The following NUCB2 variants were observed in gnomAD, a reference collection of about 807,000 sequenced individuals.
NUCB2 encodes the protein nucleobindin-2.
Under a neutral mutation model 57.9 loss-of-function variants are expected in NUCB2, and 48 were observed. That is an observed-to-expected ratio of 0.83 (90% CI 0.66 to 1.05). The LOEUF is 1.05. Among genes scored for constraint, NUCB2 ranks in the 50% least tolerant of loss-of-function variants. The probability of loss-of-function intolerance (pLI) is 0.00; values close to 1 mark genes in which losing one functional copy is unlikely to be tolerated. For synonymous variants in NUCB2, 139 were observed against 152.1 expected, an observed-to-expected ratio of 0.91 and a Z score of 0.64; for missense variants, 442 against 476.2, an observed-to-expected ratio of 0.93 and a Z score of 0.67.
chr11:17,342,796 TG>T (rs1161004896), intron 2 of NUCB2, among the ~76,000 whole-genome samples: 1 of 151,606 alleles, frequency 6.6e-6, no homozygotes, highest in Non-Finnish European at 1.5e-5. Context: ...TCTGTTGATT[TG>T]GGGTGGAGAG....
chr11:17,311,005 C>T lies in NUCB2; in HGVS notation c.664C>T (p.His222Tyr). Residue 222 changes from histidine (H) to tyrosine (Y), a missense_variant, in exon 7 of 14, where the codon CAC becomes TAC. Transcript: ENST00000529010. ...KKHENHPKVN[H>Y]PGSKDQLKEV... ...GCATGAAAATCACCCTAAAGTTAAT[C>T]ACCCAGTAAGGATTGTGACTTTATG... The T allele has an allele frequency of 6.4e-7, 1 of 1,573,252 alleles. No homozygotes were observed. The highest frequency in any genetic ancestry group is 8.6e-7 in the Non-Finnish European group (1 of 1,168,722).
intron 11 of NUCB2, among the ~76,000 whole-genome samples, chr11:17,322,762 ATC>A (rs35491461): frequency 0.24 from 36,009 of 151,764 alleles, 4,933 homozygotes; most frequent in East Asian, 0.51. Context: ...AATTTCTTTC[ATC>A]TGTGTTTTAT....
At position 17,330,157 on chromosome 11, in the gene NUCB2, G is replaced by T. The variant is rs762418466; in HGVS notation, c.1033G>T (p.Glu345Ter). ...AGATCAGCAACAGTTCTTCACAGAGGAAGAACTAAAAGAATATGAAAATAT... is the reference window on the plus strand; with the variant it reads ...AGATCAGCAACAGTTCTTCACAGAGTAAGAACTAAAAGAATATGAAAATAT... ...TLDQQQFFTEEELKEYENIIA... is the reference protein window; with the variant it reads ...TLDQQQFFTE Residue 345 changes from glutamate (E) to a stop codon, truncating the protein, a stop_gained, in exon 12 of 14, where the codon GAA becomes TAA. Transcript: ENST00000529010. LOFTEE classifies it high-confidence loss of function. This position sits in a 1 kb window ranked among gnomAD's most constrained non-coding sequence, Gnocchi z 4.3. The T allele has an allele frequency of 6.4e-7, 1 of 1,558,366 alleles. No homozygotes were observed. The highest frequency in any genetic ancestry group is 2.3e-5 in the East Asian group (1 of 44,356).
At chr11:17,293,282 A>C (rs1329652566) in intron 2 of NUCB2, among the ~76,000 whole-genome samples, 1 of 149,784 alleles carries the variant, frequency 6.7e-6, no homozygotes, top group Non-Finnish European at 1.5e-5. Flanking sequence ...AGATGTTGTC[A>C]GGTGTTGTTA....
intron 10 of NUCB2, among the ~76,000 whole-genome samples, chr11:17,314,895 T>C (rs2139037187): frequency 6.6e-6 from 1 of 152,348 alleles, no homozygotes; most frequent in Non-Finnish European, 1.5e-5. Context: ...CAAGAGGATT[T>C]GGAGAGGTTG....
intron 11 of NUCB2, among the ~76,000 whole-genome samples, chr11:17,327,049 A>G (rs1284962315): frequency 2.6e-5 from 4 of 152,194 alleles, no homozygotes; most frequent in Admixed American, 1.3e-4. Context: ...CTCTTGGCCT[A>G]TAAGATTTCC....
chr11:17,301,318 G>A (rs1435654614), intron 4 of NUCB2, among the ~76,000 whole-genome samples: 10 of 115,390 alleles, frequency 8.7e-5, no homozygotes, highest in African/African-American at 1.0e-4. Flanking sequence ...CGCTCTTGTC[G>A]TCCAGGCTGG....
intron 2 of NUCB2, among the ~76,000 whole-genome samples, chr11:17,285,693 A>G (rs1416138583): frequency 6.7e-6 from 1 of 148,874 alleles, no homozygotes; most frequent in African/African-American, 2.5e-5. Context: ...GCAGTGAGCC[A>G]AGATCGCGCC....
intron 1 of NUCB2, among the ~76,000 whole-genome samples, chr11:17,281,054 G>A (rs1006976788): frequency 4.6e-5 from 7 of 152,076 alleles, no homozygotes; most frequent in South Asian, 2.1e-4. Context: ...AAACAAAAAC[G>A]AAAACAAAAA....
At chr11:17,284,936 C>T (rs1192036486) in intron 2 of NUCB2, among the ~76,000 whole-genome samples, 4 of 152,032 alleles carry the variant, frequency 2.6e-5, no homozygotes, top group Admixed American at 2.6e-4. Context: ...CCTTTGTCTT[C>T]TAGCATAGTA....
chr11:17,323,033 T>TA (rs59027812), intron 11 of NUCB2, among the ~76,000 whole-genome samples: 17,660 of 151,966 alleles, frequency 0.12, 2,225 homozygotes, highest in African/African-American at 0.32. Flanking sequence ...CAAACAAGGA[T>TA]AGTTTGACTT....
rs896627825 is a variant in NUCB2 at position 17,285,302 on chromosome 11, A to C, written c.-1+2359A>C. ...AAAATTAGCCGGGCGTGGCTGGGTG[A>C]GGTGGCTCACGCCTATAATCCCAGC... is the stretch of plus-strand genomic sequence containing the variant. On this transcript the variant is annotated intron_variant, in intron 2 of 13. Transcript: ENST00000529010. Among the ~76,000 whole-genome samples the C allele has an allele frequency of 1.5e-4, 23 of 151,042 alleles. No homozygotes were observed. The South Asian group carries it at 2.7e-3, about 18-fold the overall frequency.
Position 17,295,390 on chromosome 11 carries a change from G to C in NUCB2, c.67G>C (p.Glu23Gln), listed in dbSNP as rs775939138. The change falls in exon 3 of 14, where the codon GAA (glutamate) becomes CAA (glutamine). Residue 23 changes from glutamate (E) to glutamine (Q), a missense_variant. Physicochemically the swap from Glu to Gln is conservative, Grantham distance 29. Coordinates refer to ENST00000529010, the MANE Select transcript of NUCB2 (RefSeq NM_005013.4). Reference protein sequence around the residue: ...LLITCLLTALEAVPIDIDKTK... With the variant: ...LLITCLLTALQAVPIDIDKTK... ...GATTACATGTTTACTTACTGCTCTT[G>C]AAGCTGTGCCTATTGACATAGACAA... 18 of 1,613,356 alleles carry C rather than the reference G, an allele frequency of 1.1e-5. No individual in the cohort carries two copies. The highest frequency in any genetic ancestry group is 1.5e-5 in the Non-Finnish European group (18 of 1,179,682).
At chr11:17,288,552 C>CTTCTTTTTTTTTTTTTTTTTT (rs1375589442) in intron 2 of NUCB2, among the ~76,000 whole-genome samples, 1 of 101,190 alleles carries the variant, frequency 9.9e-6, no homozygotes, top group African/African-American at 4.4e-5. Flanking sequence ...TCTTCTTCTT[C>CTTCTTTTTTTTTTTTTTTTTT]TTTTTTTTTT....
intron 10 of NUCB2, among the ~76,000 whole-genome samples, chr11:17,313,276 T>G (rs1316184816): frequency 6.6e-6 from 1 of 151,918 alleles, no homozygotes; most frequent in African/African-American, 2.4e-5. Flanking sequence ...ATGCCTATAA[T>G]CCCAGCACTT....
chr11:17,307,530 G>T (rs931202525), intron 5 of NUCB2, among the ~76,000 whole-genome samples: 2 of 152,082 alleles, frequency 1.3e-5, no homozygotes, highest in Admixed American at 1.3e-4. Context: ...TATGCAAAAG[G>T]AAATACACAT....
chr11:17,321,202 A>T (rs1302677215), intron 11 of NUCB2, among the ~76,000 whole-genome samples: 4 of 144,034 alleles, frequency 2.8e-5, no homozygotes, highest in South Asian at 2.2e-4. Flanking sequence ...TATTCATTCT[A>T]TTTTTTTTTT....
chr11:17,286,754 C>T (rs1373143792), intron 2 of NUCB2: 1 of 152,190 alleles, frequency 6.6e-6, no homozygotes, highest in Non-Finnish European at 1.5e-5. Flanking sequence ...GTCCTTATCA[C>T]TCATCTCTTT....
At chr11:17,312,732 A>G (rs940718246) in intron 10 of NUCB2, among the ~76,000 whole-genome samples, 2 of 149,008 alleles carry the variant, frequency 1.3e-5, no homozygotes, top group Non-Finnish European at 1.5e-5. Context: ...TTTGAGACAT[A>G]GTCTCACTCT....
Sources: gnomAD v4.1 joint callset for allele counts (sites outside exome capture counted in the v4.1 genomes callset) on GRCh38, gnomAD v4.1.1 for gene constraint, Gnocchi (gnomAD v3.1) non-coding constraint, MANE v1.5 for transcripts, NCBI Gene and HGNC (gene_info 2026-07-23, HGNC 2026-07-21) for gene names.